The following ACSL6 variants were observed in gnomAD, a reference collection of about 807,000 sequenced individuals.
The protein encoded by ACSL6 is acyl-CoA synthetase long chain family member 6.
ACSL6 carries 47 observed loss-of-function variants against 98.2 expected under a neutral mutation model. That is an observed-to-expected ratio of 0.48 (90% confidence interval 0.38 to 0.61). ACSL6 has a LOEUF of 0.61. ACSL6 is among the 20% of genes least tolerant of loss of function. ACSL6 has a pLI of 0.00. For missense variants in ACSL6, 761 were observed against 913.4 expected, an observed-to-expected ratio of 0.83 and a Z score of 2.15; for synonymous variants, 362 against 336.9, an observed-to-expected ratio of 1.07 and a Z score of -0.82.
intron 9 of ACSL6, among the ~76,000 whole-genome samples, chr5:131,978,079 T>C (rs1299657792): frequency 1.3e-5 from 2 of 152,254 alleles, no homozygotes; most frequent in African/African-American, 4.8e-5. Context: ...AAGAAGACTG[T>C]GGTTGTAAAA....
chr5:131,955,865 A>G (rs1198918137), intron 20 of ACSL6, among the ~76,000 whole-genome samples: 2 of 152,256 alleles, frequency 1.3e-5, no homozygotes, highest in Non-Finnish European at 2.9e-5. Flanking sequence ...TGTCAAAATG[A>G]AAAACTAAAA....
chr5:132,011,361 C>T lies in ACSL6; in HGVS notation c.49+144G>A, dbSNP rs1580713603. 6 of 871,762 alleles carry T rather than the reference C, an allele frequency of 6.9e-6. No individual in the cohort carries two copies. The highest frequency in any genetic ancestry group is 1.1e-5 in the Non-Finnish European group (6 of 546,868). The allele number at this position is 871,762 out of a possible 1,614,324, so 54.0% of individuals were successfully genotyped here. ...ACTGGGGGCGGAGGGTGTACTTAGG[C>T]GGCCCTGGGGACCTTGACGGGACAG... On this transcript the variant is annotated intron_variant, in intron 1 of 20. Coordinates refer to ENST00000651883, the MANE Select transcript of ACSL6 (RefSeq NM_001009185.3). The surrounding 1 kb of genome is among the most constrained non-coding windows in gnomAD (Gnocchi z 5.4).
intron 1 of ACSL6, among the ~76,000 whole-genome samples, chr5:132,010,350 A>G (rs920642107): frequency 7.2e-5 from 11 of 152,204 alleles, no homozygotes; most frequent in African/African-American, 2.7e-4. Context: ...AAAACCTCGA[A>G]TGGAATCCCA....
chr5:131,988,689 T>C, intron 6 of ACSL6, 116 bp downstream of exon 6: 1 of 1,579,712 alleles, frequency 6.3e-7, no homozygotes, highest in East Asian at 2.2e-5. Flanking sequence ...CCCCTAGTAT[T>C]TTCTGAGAGC....
chr5:131,961,870 C>T (rs1304381173), intron 18 of ACSL6, among the ~76,000 whole-genome samples: 1 of 151,586 alleles, frequency 6.6e-6, no homozygotes, highest in Non-Finnish European at 1.5e-5. Context: ...AGTTCATTTG[C>T]ATATTAAAAA....
intron 2 of ACSL6, among the ~76,000 whole-genome samples, chr5:131,992,580 G>A (rs1335851675): frequency 6.6e-6 from 1 of 152,110 alleles, no homozygotes; most frequent in Non-Finnish European, 1.5e-5. Context: ...CTCACTCAGT[G>A]GCCCCTACAC....
chr5:131,975,293 G>A (rs961994166), intron 10 of ACSL6: 4 of 985,412 alleles, frequency 4.1e-6, no homozygotes, highest in Non-Finnish European at 4.8e-6. Context: ...GAAACCAGCA[G>A]AGTGGGCTCC....
chr5:131,992,733 C>T (rs1754592323), intron 2 of ACSL6, among the ~76,000 whole-genome samples: 1 of 152,148 alleles, frequency 6.6e-6, no homozygotes, highest in Non-Finnish European at 1.5e-5. Context: ...TCTCTCCCTA[C>T]TGAAAATCTC....
intron 20 of ACSL6, among the ~76,000 whole-genome samples, chr5:131,957,661 T>C (rs777407016): frequency 6.6e-6 from 1 of 150,860 alleles, no homozygotes; most frequent in Non-Finnish European, 1.5e-5. Context: ...TGTGTGTATG[T>C]GTGTGTTTAA....
chr5:131,974,845 A>T, intron 11 of ACSL6, 48 bp downstream of exon 11: 1 of 1,613,874 alleles, frequency 6.2e-7, no homozygotes, highest in Non-Finnish European at 8.5e-7. Context: ...TCTGTAAGAA[A>T]AAAGAAGGAG....
chr5:132,000,391 C>G (rs1458488441), intron 1 of ACSL6, among the ~76,000 whole-genome samples: 2 of 151,842 alleles, frequency 1.3e-5, no homozygotes, highest in Non-Finnish European at 2.9e-5. Context: ...AGCCAGAACC[C>G]ACACCCTTGC....
chr5:131,954,431 C>T (rs1752292334), intron 20 of ACSL6, 60 bp from the exon 21 acceptor site: 4 of 1,524,928 alleles, frequency 2.6e-6, no homozygotes, highest in African/African-American at 2.8e-5. Context: ...TTATAGTATA[C>T]ATGGTAAAAA....
At chr5:131,992,649 AC>A (rs1350794509) in intron 2 of ACSL6, among the ~76,000 whole-genome samples, 1 of 152,130 alleles carries the variant, frequency 6.6e-6, no homozygotes, top group Non-Finnish European at 1.5e-5. Flanking sequence ...GTCACCTTCA[AC>A]CCAGATGCCT....
intron 2 of ACSL6, among the ~76,000 whole-genome samples, chr5:131,992,677 G>A (rs992875869): frequency 6.6e-6 from 1 of 152,034 alleles, no homozygotes; most frequent in Non-Finnish European, 1.5e-5. Context: ...GCTTTCTTAC[G>A]CTTGCCCCTG....
rs1207695576 is a variant in ACSL6 at position 131,986,683 on chromosome 5, C to T, written c.864+139G>A. Reference sequence around the variant, plus strand: ...TCGGCCCACAGAAGTCCTGGACACTCAAGTGGGCATTTCCTGGCTTGCACA... The same window carrying T: ...TCGGCCCACAGAAGTCCTGGACACTTAAGTGGGCATTTCCTGGCTTGCACA... On this transcript the variant is annotated intron_variant, in intron 8 of 20. Coordinates refer to ENST00000651883, the MANE Select transcript of ACSL6 (RefSeq NM_001009185.3). 3 of 1,045,528 alleles carry T rather than the reference C, an allele frequency of 2.9e-6. No individual in the cohort carries two copies. The African/African-American group carries it at 4.7e-5, about 16-fold the overall frequency. The allele number at this position is 1,045,528 out of a possible 1,614,324, so 64.8% of individuals were successfully genotyped here.
intron 8 of ACSL6, among the ~76,000 whole-genome samples, chr5:131,986,075 A>G (rs1370691516): frequency 6.6e-6 from 1 of 152,202 alleles, no homozygotes; most frequent in Non-Finnish European, 1.5e-5. Context: ...TCTCCCGATG[A>G]AGTGTGGGTG....
intron 11 of ACSL6, chr5:131,974,691 C>A: frequency 1.3e-6 from 2 of 1,539,868 alleles, no homozygotes; most frequent in Non-Finnish European, 1.8e-6. Context: ...CCACCAGTGA[C>A]AAGTGACACC....
rs534400472 is a variant in ACSL6, at chr5:131,950,444, C to A, written c.*3790G>T. The A allele has an allele frequency of 6.6e-4, 136 of 204,590 alleles. 4 individuals carry two copies. In the South Asian group the frequency reaches 0.016, roughly 24 times the overall value. 12.7% of individuals were successfully genotyped at this position (204,590 alleles called of 1,614,324 possible). On this transcript the variant is annotated 3_prime_UTR_variant, in exon 21 of 21. Transcript: ENST00000651883. ...ATTGTAAATTCATAGAAAGTATTTTCTAGCATACTTGAGAGGAAATTCAGA... is the reference window on the plus strand; with the variant it reads ...ATTGTAAATTCATAGAAAGTATTTTATAGCATACTTGAGAGGAAATTCAGA...
chr5:131,982,622 C>T (rs897791723), intron 9 of ACSL6: 3 of 152,420 alleles, frequency 2.0e-5, no homozygotes, highest in Non-Finnish European at 4.4e-5. Context: ...CAAGCCCTGC[C>T]TCGGGCCCTC....
Sources: gnomAD v4.1 joint callset for allele counts (sites outside exome capture counted in the v4.1 genomes callset) on GRCh38, gnomAD v4.1.1 for gene constraint, Gnocchi (gnomAD v3.1) non-coding constraint, MANE v1.5 for transcripts, NCBI Gene and HGNC (gene_info 2026-07-23, HGNC 2026-07-21) for gene names.